The following DLAT variants were observed in gnomAD, a reference collection of about 807,000 sequenced individuals.
DLAT encodes dihydrolipoamide S-acetyltransferase.
A neutral mutation model predicts 68.0 loss-of-function variants in DLAT; 43 were observed. The observed-to-expected ratio is 0.63, with a 90% CI of 0.50 to 0.81. The LOEUF is 0.81. Among genes scored for constraint, DLAT ranks in the 40% least tolerant of loss-of-function variants. The pLI, the probability that DLAT is intolerant of heterozygous loss-of-function variation, is 0.00. For missense variants in DLAT, 745 were observed against 815.4 expected, an observed-to-expected ratio of 0.91 and a Z score of 1.05; for synonymous variants, 265 against 288.6, an observed-to-expected ratio of 0.92 and a Z score of 0.83.
intron 7 of DLAT, among the ~76,000 whole-genome samples, chr11:112,043,031 T>C (rs186464497): frequency 2.0e-5 from 3 of 152,304 alleles, no homozygotes; most frequent in Admixed American, 2.0e-4. Flanking sequence ...CCAAATGAAA[T>C]CTATTTCACG....
intron 2 of DLAT, among the ~76,000 whole-genome samples, chr11:112,026,941 G>A (rs1592653360): frequency 6.6e-6 from 1 of 150,576 alleles, no homozygotes; most frequent in African/African-American, 2.4e-5. Context: ...GCCAGGCGGG[G>A]GCTGACCCCC....
At chr11:112,060,896 T>C (rs1566641893) in intron 12 of DLAT, 142 bp from the exon 13 acceptor site, 1 of 666,836 alleles carries the variant, frequency 1.5e-6, no homozygotes, top group Non-Finnish European at 2.5e-6. Flanking sequence ...AATGGTTGTA[T>C]ATCTTCAGTA....
At chr11:112,032,404 A>T (rs1555180026) in intron 4 of DLAT, 1 of 152,130 alleles carries the variant, frequency 6.6e-6, no homozygotes. Flanking sequence ...TACTTTATAG[A>T]CTTATCTTTT....
chr11:112,059,172 C>T (rs1555182907), intron 11 of DLAT, among the ~76,000 whole-genome samples: 1 of 152,104 alleles, frequency 6.6e-6, no homozygotes, highest in African/African-American at 2.4e-5. Context: ...CTCTTCCTTT[C>T]ATCTGCTCAA....
intron 7 of DLAT, among the ~76,000 whole-genome samples, chr11:112,042,848 G>A (rs1352738390): frequency 1.3e-5 from 2 of 152,194 alleles, no homozygotes; most frequent in Non-Finnish European, 2.9e-5. Context: ...AAAAAGCTAT[G>A]AGTCATAGAG....
chr11:112,029,204 A>G (rs1007771518), intron 4 of DLAT, among the ~76,000 whole-genome samples: 2 of 152,224 alleles, frequency 1.3e-5, no homozygotes, highest in East Asian at 3.8e-4. Context: ...TTCATTCAAG[A>G]ACATTACATT....
intron 4 of DLAT, 43 bp from the exon 5 acceptor site, chr11:112,033,361 A>G (rs1862518734): frequency 1.2e-6 from 2 of 1,606,888 alleles, no homozygotes; most frequent in African/African-American, 2.7e-5. Context: ...ATTATGTAGA[A>G]GTCTTCCTGG....
chr11:112,050,830 A>G (rs781807361), intron 10 of DLAT, among the ~76,000 whole-genome samples: 48 of 152,216 alleles, frequency 3.2e-4, no homozygotes, highest in Non-Finnish European at 6.3e-4. Context: ...GACATAACAT[A>G]CTGTAACTTA....
Position 112,045,899 on chromosome 11 carries a change from A to G in DLAT, c.1327A>G (p.Ile443Val), listed in dbSNP as rs900199789. 5.6e-6 allele frequency: 9 copies of G among 1,612,186 alleles called. No individual in the cohort carries two copies. The highest frequency in any genetic ancestry group is 2.2e-5 in the East Asian group (1 of 44,836). ...AQRLMQSKQT[I>V]PHYYLSIDVN... Reference sequence around the variant, plus strand: ...GCGATTAATGCAATCAAAGCAAACCATACCTCATTATTACCTTTCTATCGA... The same window carrying G: ...GCGATTAATGCAATCAAAGCAAACCGTACCTCATTATTACCTTTCTATCGA... Residue 443 changes from isoleucine (I) to valine (V), a missense_variant, in exon 10 of 14, where the codon ATA (isoleucine) becomes GTA (valine). Physicochemically the swap from Ile to Val is conservative, Grantham distance 29. Transcript: ENST00000280346.
At chr11:112,039,512 C>T in intron 7 of DLAT, 115 bp downstream of exon 7, 1 of 1,089,018 alleles carries the variant, frequency 9.2e-7, no homozygotes, top group Non-Finnish European at 1.4e-6. Flanking sequence ...ATAGTAGGGA[C>T]AATCATTAAT....
At chr11:112,037,204 A>C in intron 5 of DLAT, 69 bp from the exon 6 acceptor site, 1 of 1,454,630 alleles carries the variant, frequency 6.9e-7, no homozygotes, top group Non-Finnish European at 9.6e-7. Context: ...TTTACTTAAA[A>C]CTGTGCTGTG....
Position 112,033,408 on chromosome 11 carries a change from T to G in DLAT, c.665T>G (p.Leu222Arg), listed in dbSNP as rs1555180110. ...GSSYPPHMQV[L>R]LPALSPTMTM... ...AATATGTGTTTGTTTCTGCAGGTAC[T>G]TCTTCCTGCCCTCTCTCCCACCATG... The change falls in exon 5 of 14, where the codon CTT becomes CGT. Residue 222 changes from leucine to arginine, a missense_variant. By Grantham distance (102) the Leu-to-Arg change is moderately radical. Coordinates refer to ENST00000280346, the MANE Select transcript of DLAT (RefSeq NM_001931.5). The G allele has an allele frequency of 1.2e-6, 2 of 1,613,594 alleles. No homozygotes were observed. Among genetic ancestry groups the G allele is most frequent in the South Asian group, 2.2e-5 (2 of 90,992 alleles).
At chr11:112,030,505 G>A in intron 4 of DLAT, 2 of 244,642 alleles carry the variant, frequency 8.2e-6, no homozygotes, top group Admixed American at 5.1e-5. Context: ...TTTGACATGT[G>A]GTGATCTATT....
chr11:112,064,160 T>A lies in DLAT; in HGVS notation c.*1625T>A. The A allele has an allele frequency of 6.4e-7, 1 of 1,561,400 alleles. No homozygotes were observed. The highest frequency in any genetic ancestry group is 8.7e-7 in the Non-Finnish European group (1 of 1,152,928). On this transcript the variant is annotated 3_prime_UTR_variant, in exon 14 of 14. Transcript: ENST00000280346. ...ATCATCAATATGATCCAAATCTGGT[T>A]CAAACATTCAAAACTTCAAAGATAA...
chr11:112,049,372 G>A (rs782315220), intron 10 of DLAT, among the ~76,000 whole-genome samples: 8 of 152,120 alleles, frequency 5.3e-5, no homozygotes, highest in Non-Finnish European at 1.2e-4. Context: ...ACATGTAGAT[G>A]CCCCTGTATT....
At chr11:112,029,070 A>C in intron 4 of DLAT, 125 bp downstream of exon 4, 1 of 1,080,370 alleles carries the variant, frequency 9.3e-7, no homozygotes, top group Non-Finnish European at 1.4e-6. Flanking sequence ...TTGGGAGTAT[A>C]TAGGTTTAAA....
At position 112,051,923 on chromosome 11, in the gene DLAT, AGT is replaced by A. The variant is rs1863663154; in HGVS notation, c.1514+579_1514+580del. ...AATGGTATAGAGTAGTATGGTACTC[AGT>A]GTGTCTCTTTTATCTCATTCAATTC... On this transcript the variant is annotated intron_variant, in intron 11 of 13. Coordinates refer to ENST00000280346, the MANE Select transcript of DLAT (RefSeq NM_001931.5). The surrounding 1 kb of genome is among the most constrained non-coding windows in gnomAD (Gnocchi z 4.3). Among the ~76,000 whole-genome samples the A allele has an allele frequency of 6.6e-6, 1 of 152,174 alleles. No individual in the cohort carries two copies. The highest frequency in any genetic ancestry group is 1.5e-5 in the Non-Finnish European group (1 of 68,028).
chr11:112,033,836 G>A (rs1862549886), intron 5 of DLAT, among the ~76,000 whole-genome samples: 1 of 152,128 alleles, frequency 6.6e-6, no homozygotes, highest in Non-Finnish European at 1.5e-5. Context: ...TGATCCTCCT[G>A]CTTTAGCCTC....
chr11:112,027,232 C>T (rs781803035), intron 2 of DLAT, among the ~76,000 whole-genome samples: 2 of 148,314 alleles, frequency 1.3e-5, no homozygotes, highest in Non-Finnish European at 1.5e-5. Context: ...ACGGGGCGGC[C>T]GGGAAGAGAC....
Sources: gnomAD v4.1 joint callset for allele counts (sites outside exome capture counted in the v4.1 genomes callset) on GRCh38, gnomAD v4.1.1 for gene constraint, Gnocchi (gnomAD v3.1) non-coding constraint, MANE v1.5 for transcripts, NCBI Gene and HGNC (gene_info 2026-07-23, HGNC 2026-07-21) for gene names.